RALGAPA2: variants seen among roughly 807,000 people sequenced by gnomAD.
RALGAPA2 encodes Ral GTPase activating protein catalytic subunit alpha 2.
RALGAPA2 carries 139 observed loss-of-function variants against 230.4 expected under a neutral mutation model. That is an observed-to-expected ratio of 0.60 (90% CI 0.53 to 0.69). RALGAPA2 has a LOEUF of 0.69. RALGAPA2 is among the 30% of genes least tolerant of loss of function. The pLI is 0.00. For synonymous variants in RALGAPA2, 847 were observed against 837.8 expected (o/e 1.01, Z -0.19); for missense variants, 2,163 against 2,276.0 (o/e 0.95, Z 1.01).
At chr20:20,665,489 T>A (rs1192349252) in intron 3 of RALGAPA2, among the ~76,000 whole-genome samples, 1 of 152,232 alleles carries the variant, frequency 6.6e-6, no homozygotes, top group African/African-American at 2.4e-5. Context: ...ATTTGGTATA[T>A]CCCGTTGGGT....
chr20:20,512,218 C>A (rs1461017587), intron 32 of RALGAPA2, among the ~76,000 whole-genome samples: 2 of 148,468 alleles, frequency 1.3e-5, no homozygotes, highest in African/African-American at 2.5e-5. Context: ...CAACAACAAC[C>A]CCCCCTACAC....
At chr20:20,696,555 G>A (rs910160280) in intron 1 of RALGAPA2, among the ~76,000 whole-genome samples, 2 of 151,978 alleles carry the variant, frequency 1.3e-5, no homozygotes, top group East Asian at 1.9e-4. Context: ...AGTCCTTACT[G>A]GGATGCCAAA....
At chr20:20,684,149 T>C (rs187685298) in intron 1 of RALGAPA2, among the ~76,000 whole-genome samples, 2 of 152,316 alleles carry the variant, frequency 1.3e-5, no homozygotes, top group African/African-American at 4.8e-5. Context: ...GGGTCACACA[T>C]GACTTCCTCA....
intron 24 of RALGAPA2, among the ~76,000 whole-genome samples, chr20:20,537,489 G>A (rs562522766): frequency 6.6e-6 from 1 of 151,728 alleles, no homozygotes; most frequent in South Asian, 2.1e-4. Context: ...GCATGGTGGT[G>A]GGCACCTGTA....
intron 37 of RALGAPA2, among the ~76,000 whole-genome samples, chr20:20,452,282 A>G (rs1472698029): frequency 2.0e-5 from 3 of 152,234 alleles, no homozygotes; most frequent in Admixed American, 1.3e-4. Flanking sequence ...AAAAGTCACC[A>G]TTGTAGAGCT....
chr20:20,645,881 C>T (rs1159615094), intron 4 of RALGAPA2, among the ~76,000 whole-genome samples: 2 of 151,866 alleles, frequency 1.3e-5, no homozygotes, highest in Admixed American at 6.6e-5. Flanking sequence ...CAGAACAGTG[C>T]CGGGTATGTG....
chr20:20,398,781 G>T lies in RALGAPA2; in HGVS notation c.5618-2047C>A, dbSNP rs536136150. 3.3e-5 allele frequency among the ~76,000 whole-genome samples: 5 copies of T among 152,284 alleles called. No homozygotes were observed. The South Asian group carries it at 1.0e-3, about 32-fold the overall frequency. The stretch of plus-strand genomic sequence containing the variant: ...CAAATGAGCAGCAGATATGTGCCAG[G>T]TACTGTTTTAGGCTCTGGGTTACAG... On this transcript the variant is annotated intron_variant, in intron 38 of 39. Coordinates refer to ENST00000202677, the MANE Select transcript of RALGAPA2 (RefSeq NM_020343.4). The surrounding 1 kb of genome is among the most constrained non-coding windows in gnomAD (Gnocchi z 4.5).
At chr20:20,547,320 C>T (rs1304824324) in intron 23 of RALGAPA2, among the ~76,000 whole-genome samples, 6 of 152,136 alleles carry the variant, frequency 3.9e-5, no homozygotes, top group Non-Finnish European at 8.8e-5. Flanking sequence ...ATGCAGAGTG[C>T]TAAGGTGACG....
At chr20:20,655,134 T>C (rs897586660) in intron 3 of RALGAPA2, among the ~76,000 whole-genome samples, 1 of 152,184 alleles carries the variant, frequency 6.6e-6, no homozygotes, top group Non-Finnish European at 1.5e-5. Context: ...ACACGATAAT[T>C]CTGACAAACA....
intron 36 of RALGAPA2, among the ~76,000 whole-genome samples, chr20:20,477,926 GAC>G (rs1307742570): frequency 6.6e-6 from 1 of 152,156 alleles, no homozygotes; most frequent in Non-Finnish European, 1.5e-5. Context: ...GCACAATAAT[GAC>G]ACAGTTATTT....
chr20:20,564,327 C>T (rs1028105202), intron 23 of RALGAPA2, among the ~76,000 whole-genome samples: 7 of 152,230 alleles, frequency 4.6e-5, no homozygotes, highest in African/African-American at 1.4e-4. Flanking sequence ...CCTATCCATT[C>T]TTGAAAGTCC....
intron 8 of RALGAPA2, among the ~76,000 whole-genome samples, chr20:20,636,538 C>A (rs2146474905): frequency 1.7e-5 from 1 of 60,476 alleles, no homozygotes; most frequent in East Asian, 4.2e-4. Context: ...GCTTCTCTCC[C>A]CGTGTGTGTG....
At chr20:20,636,709 T>C (rs2066873796) in intron 8 of RALGAPA2, among the ~76,000 whole-genome samples, 1 of 152,162 alleles carries the variant, frequency 6.6e-6, no homozygotes, top group South Asian at 2.1e-4. Context: ...TGAACTAGTT[T>C]TACCTGTTTT....
intron 1 of RALGAPA2, among the ~76,000 whole-genome samples, chr20:20,695,305 T>C (rs1423333679): frequency 1.8e-4 from 28 of 152,214 alleles, no homozygotes; most frequent in Non-Finnish European, 7.3e-5. Flanking sequence ...TTTGTGTTTC[T>C]CTAGACATCA....
Position 20,472,756 on chromosome 20 carries a change from C to G in RALGAPA2, c.5495+73G>C, listed in dbSNP as rs748560740. 2.6e-6 allele frequency: 4 copies of G among 1,518,980 alleles called. No homozygotes were observed. In the South Asian group the frequency reaches 5.2e-5, roughly 20 times the overall value. The allele number at this position is 1,518,980 out of a possible 1,614,324, so 94.1% of individuals were successfully genotyped here. On this transcript the variant is annotated intron_variant, in intron 37 of 39. Transcript: ENST00000202677. ...CTTCAATTCAGTTTTGAATACTTAC[C>G]TCTTATGAAAAACTGCCAGGAATCT...
chr20:20,558,549 T>C (rs1168543791), intron 23 of RALGAPA2, among the ~76,000 whole-genome samples: 1 of 152,026 alleles, frequency 6.6e-6, no homozygotes, highest in East Asian at 1.9e-4. Flanking sequence ...ATCTTCAAAA[T>C]AAAGACAGGT....
intron 36 of RALGAPA2, among the ~76,000 whole-genome samples, chr20:20,478,712 G>A (rs1193376053): frequency 2.0e-5 from 3 of 152,006 alleles, no homozygotes; most frequent in Non-Finnish European, 4.4e-5. Flanking sequence ...AAGGGGGAGG[G>A]AGGGGAGCAA....
chr20:20,680,907 T>G, intron 1 of RALGAPA2, 106 bp from the exon 2 acceptor site: 1 of 1,468,124 alleles, frequency 6.8e-7, no homozygotes, highest in Non-Finnish European at 9.0e-7. Context: ...TTTCATTCCC[T>G]TATAAGACAA....
At chr20:20,400,361 G>T (rs2059806196) in intron 38 of RALGAPA2, among the ~76,000 whole-genome samples, 1 of 152,156 alleles carries the variant, frequency 6.6e-6, no homozygotes, top group African/African-American at 2.4e-5. Context: ...CCGAAAGCTG[G>T]GACAGCTGGA....
Sources: gnomAD v4.1 joint callset for allele counts (sites outside exome capture counted in the v4.1 genomes callset) on GRCh38, gnomAD v4.1.1 for gene constraint, Gnocchi (gnomAD v3.1) non-coding constraint, MANE v1.5 for transcripts, NCBI Gene and HGNC (gene_info 2026-07-23, HGNC 2026-07-21) for gene names.